Variants in KCNK10 observed in about 807,000 individuals in gnomAD.
The protein encoded by KCNK10 is potassium two pore domain channel subfamily K member 10, also known as potassium channel subfamily K member 10.
In KCNK10, 25 loss-of-function variants were observed where a neutral mutation model predicts 47.7. The ratio of observed to expected loss-of-function variants is 0.52; its 90% CI spans 0.38 to 0.73. The LOEUF is 0.73. KCNK10 is among the 30% of genes least tolerant of loss of function. The pLI is 0.00. For missense variants in KCNK10, 563 were observed against 714.5 expected (o/e 0.79, Z 2.42); for synonymous variants, 303 against 285.6 (o/e 1.06, Z -0.61).
chr14:88,221,352 C>T (rs1885804223), intron 4 of KCNK10, among the ~76,000 whole-genome samples: 1 of 146,844 alleles, frequency 6.8e-6, no homozygotes, highest in Non-Finnish European at 1.5e-5. Context: ...TACATTAAAT[C>T]TCAACAATAA....
chr14:88,239,225 A>G (rs376246853), intron 3 of KCNK10, among the ~76,000 whole-genome samples: 1 of 152,132 alleles, frequency 6.6e-6, no homozygotes, highest in Non-Finnish European at 1.5e-5. Flanking sequence ...AAAACTCAAC[A>G]TCTTCAAAGC....
At chr14:88,232,087 C>T (rs1318552103) in intron 3 of KCNK10, among the ~76,000 whole-genome samples, 4 of 152,098 alleles carry the variant, frequency 2.6e-5, no homozygotes, top group Non-Finnish European at 5.9e-5. Context: ...CTTTCCAAGG[C>T]AACAACCAGA....
At chr14:88,236,153 A>G (rs1198259761) in intron 3 of KCNK10, among the ~76,000 whole-genome samples, 3 of 152,106 alleles carry the variant, frequency 2.0e-5, no homozygotes, top group Non-Finnish European at 4.4e-5. Context: ...TGGCTTCTAC[A>G]AAATATTTTA....
Position 88,182,579 on chromosome 14 carries a change from A to G in KCNK10, c.*2956T>C, listed in dbSNP as rs963165256. 2 of 152,304 alleles carry G rather than the reference A, an allele frequency of 1.3e-5. No individual in the cohort carries two copies. Among genetic ancestry groups the G allele is most frequent in the African/African-American group, 4.8e-5 (2 of 41,444 alleles). The allele number at this position is 152,304 out of a possible 1,614,324, so 9.4% of individuals were successfully genotyped here. A position where few individuals can be genotyped will look rare whatever the true frequency, so the allele number is the denominator to read the frequency against. On this transcript the variant is annotated 3_prime_UTR_variant, in exon 7 of 7. Transcript: ENST00000319231. Reference sequence around the variant, plus strand: ...AACACTTTGCACACATATTTAATCGATCAATCACCATAGAGGATCTTCTTT... The same window carrying G: ...AACACTTTGCACACATATTTAATCGGTCAATCACCATAGAGGATCTTCTTT...
intron 2 of KCNK10, among the ~76,000 whole-genome samples, chr14:88,251,134 G>A (rs905751599): frequency 3.4e-5 from 5 of 148,918 alleles, no homozygotes; most frequent in African/African-American, 4.9e-5. Flanking sequence ...TAGGGAGGCC[G>A]AGGCAGAAGA....
chr14:88,279,114 T>C (rs1467663420), intron 1 of KCNK10, among the ~76,000 whole-genome samples: 1 of 152,202 alleles, frequency 6.6e-6, no homozygotes, highest in Non-Finnish European at 1.5e-5. Flanking sequence ...TTCATTTCTT[T>C]CCATTCAGTT....
intron 1 of KCNK10, among the ~76,000 whole-genome samples, chr14:88,292,522 T>C (rs1887902400): frequency 6.6e-6 from 1 of 152,172 alleles, no homozygotes; most frequent in African/African-American, 2.4e-5. Flanking sequence ...GCCAATTTTT[T>C]GTATTTTCAG....
chr14:88,294,667 A>G (rs894594377), intron 1 of KCNK10, among the ~76,000 whole-genome samples: 2 of 152,230 alleles, frequency 1.3e-5, no homozygotes, highest in Non-Finnish European at 2.9e-5. Context: ...ATAGGGCTAC[A>G]TGGGCAAAGG....
intron 2 of KCNK10, among the ~76,000 whole-genome samples, chr14:88,246,021 G>A (rs1000692659): frequency 2.6e-5 from 4 of 152,142 alleles, no homozygotes; most frequent in African/African-American, 9.7e-5. Context: ...ATTTAGCCAG[G>A]GATTGAGGCA....
intron 4 of KCNK10, among the ~76,000 whole-genome samples, chr14:88,201,465 G>A (rs1356264743): frequency 6.6e-6 from 1 of 152,076 alleles, no homozygotes; most frequent in Non-Finnish European, 1.5e-5. Flanking sequence ...TTCGAGACCA[G>A]CCTGGCCAAT....
chr14:88,229,627 T>C (rs559336247), intron 3 of KCNK10, among the ~76,000 whole-genome samples: 3 of 152,346 alleles, frequency 2.0e-5, no homozygotes, highest in Admixed American at 2.0e-4. Context: ...CACAGCCATC[T>C]TTCTTTGGTG....
chr14:88,197,360 T>G (rs1486548339), intron 4 of KCNK10, among the ~76,000 whole-genome samples: 4 of 151,824 alleles, frequency 2.6e-5, no homozygotes, highest in Non-Finnish European at 5.9e-5. Context: ...GAGGCTGAGG[T>G]CAGGAGTTCA....
intron 2 of KCNK10, among the ~76,000 whole-genome samples, chr14:88,244,833 T>C (rs1020447271): frequency 2.0e-5 from 3 of 152,198 alleles, no homozygotes; most frequent in Non-Finnish European, 4.4e-5. Context: ...TATTTAATAA[T>C]TTCAGACTCA....
intron 4 of KCNK10, among the ~76,000 whole-genome samples, 169 bp from the exon 5 acceptor site, chr14:88,192,579 T>C (rs1884785054): frequency 6.6e-6 from 1 of 152,188 alleles, no homozygotes; most frequent in African/African-American, 2.4e-5. Flanking sequence ...GAAAAGTGCA[T>C]TCAGAATTTT....
chr14:88,223,804 G>A (rs1885897034), intron 4 of KCNK10, among the ~76,000 whole-genome samples: 1 of 152,082 alleles, frequency 6.6e-6, no homozygotes, highest in African/African-American at 2.4e-5. Flanking sequence ...TGTCTTAGTG[G>A]CATGTCTTTT....
In KCNK10 at chr14:88,263,549, C is replaced by T; in HGVS notation, c.55G>A (p.Ala19Thr). 1 of 1,608,964 alleles carries T rather than the reference C, an allele frequency of 6.2e-7. No individual in the cohort carries two copies. Among genetic ancestry groups the T allele is most frequent in the Non-Finnish European group, 8.5e-7 (1 of 1,178,886 alleles). The change falls in exon 2 of 7, where the codon GCC becomes ACC. Residue 19 changes from alanine to threonine, a missense_variant and splice_region_variant. Coordinates refer to ENST00000319231, the MANE Select transcript of KCNK10 (RefSeq NM_138317.3). ...RKQVNWDPKVAVPAAAPVCQP... is the reference protein window; with the variant it reads ...RKQVNWDPKVTVPAAAPVCQP... ...CACACCGGTGCTGCTGCGGGAACGG[C>T]CACTGAGGAGTCAGGGTGGGGGACA...
intron 4 of KCNK10, among the ~76,000 whole-genome samples, chr14:88,205,675 G>T (rs978861189): frequency 6.6e-6 from 1 of 151,346 alleles, no homozygotes; most frequent in African/African-American, 2.4e-5. Context: ...CTCCCGAGTA[G>T]CTGGGACTAC....
At chr14:88,257,255 C>A (rs920398347) in intron 2 of KCNK10, among the ~76,000 whole-genome samples, 4 of 152,174 alleles carry the variant, frequency 2.6e-5, no homozygotes, top group African/African-American at 9.7e-5. Context: ...CAATTTCCAT[C>A]TTCCAAGCCT....
At chr14:88,265,859 CT>C (rs1255382155) in intron 1 of KCNK10, among the ~76,000 whole-genome samples, 3 of 152,334 alleles carry the variant, frequency 2.0e-5, no homozygotes, top group East Asian at 1.9e-4. Flanking sequence ...TAAGATGTGA[CT>C]TTGCTCCTCA....
Sources: gnomAD v4.1 joint callset for allele counts (sites outside exome capture counted in the v4.1 genomes callset) on GRCh38, gnomAD v4.1.1 for gene constraint, MANE v1.5 for transcripts, NCBI Gene and HGNC (gene_info 2026-07-23, HGNC 2026-07-21) for gene names.